The following WDR47 variants were observed in gnomAD, a reference collection of about 807,000 sequenced individuals.
WDR47 encodes WD repeat domain 47.
A neutral mutation model predicts 97.2 loss-of-function variants in WDR47; 32 were observed. The ratio of observed to expected loss-of-function variants is 0.33; its 90% CI spans 0.25 to 0.44. WDR47 has a LOEUF of 0.44. Ranked by LOEUF, WDR47 falls within the 20% of genes least tolerant of loss-of-function variation. The pLI is 1.00. For missense variants in WDR47, 782 were observed against 1,102.3 expected (o/e 0.71, Z 4.11); for synonymous variants, 375 against 373.5 (o/e 1.00, Z -0.05).
intron 7 of WDR47, among the ~76,000 whole-genome samples, chr1:109,000,981 T>A (rs1350394142): frequency 6.6e-6 from 1 of 152,020 alleles, no homozygotes; most frequent in Non-Finnish European, 1.5e-5. Flanking sequence ...AAATATATAT[T>A]ATTTTATTGA....
intron 8 of WDR47, among the ~76,000 whole-genome samples, chr1:108,993,180 T>C (rs1010889458): frequency 2.0e-5 from 3 of 151,962 alleles, no homozygotes; most frequent in African/African-American, 4.8e-5. Flanking sequence ...CAAAAATTAG[T>C]TGGGTGTGGT....
intron 10 of WDR47, among the ~76,000 whole-genome samples, chr1:108,986,059 G>A (rs1006975469): frequency 6.6e-6 from 1 of 151,646 alleles, no homozygotes; most frequent in African/African-American, 2.4e-5. Flanking sequence ...GTCTTAAGAG[G>A]TGTAAAAGAG....
intron 13 of WDR47, among the ~76,000 whole-genome samples, chr1:108,981,342 G>A (rs926519946): frequency 6.6e-6 from 1 of 152,148 alleles, no homozygotes; most frequent in East Asian, 1.9e-4. Context: ...ATTTCTGGAA[G>A]AATAAATAAG....
intron 1 of WDR47, among the ~76,000 whole-genome samples, chr1:109,029,673 AAAT>A (rs1557963140): frequency 1.2e-3 from 90 of 78,248 alleles, no homozygotes; most frequent in African/African-American, 5.4e-3. Flanking sequence ...CTCTGTCTCT[AAAT>A]AAATAAATAA....
At chr1:108,991,825 T>A (rs1056955033) in intron 8 of WDR47, among the ~76,000 whole-genome samples, 1 of 152,116 alleles carries the variant, frequency 6.6e-6, no homozygotes, top group Non-Finnish European at 1.5e-5. Context: ...AAAATTTTTA[T>A]TTAATATTAT....
intron 3 of WDR47, 23 bp from the exon 4 acceptor site, chr1:109,013,948 T>C: frequency 6.4e-7 from 1 of 1,564,152 alleles, no homozygotes; most frequent in African/African-American, 1.4e-5. Flanking sequence ...AATGAAGCAT[T>C]AATTTTTCCA....
Position 108,995,576 on chromosome 1 carries a change from T to A in WDR47, c.1691+4A>T. 9 of 1,613,724 alleles carry A rather than the reference T, an allele frequency of 5.6e-6. No individual in the cohort carries two copies. The highest frequency in any genetic ancestry group is 7.6e-6 in the Non-Finnish European group (9 of 1,179,598). ...TTCCAAGTTTTACAAAGTCAAGCACTTACATTTGGCTTCCACAAGGTGATT... is the reference window on the plus strand; with the variant it reads ...TTCCAAGTTTTACAAAGTCAAGCACATACATTTGGCTTCCACAAGGTGATT... On this transcript the variant is annotated splice_donor_region_variant and intron_variant, in intron 8 of 14. Coordinates refer to ENST00000369962, the MANE Select transcript of WDR47 (RefSeq NM_001142551.2).
intron 13 of WDR47, among the ~76,000 whole-genome samples, chr1:108,979,280 G>GA (rs1349751768): frequency 6.6e-6 from 1 of 151,758 alleles, no homozygotes; most frequent in African/African-American, 2.4e-5. Flanking sequence ...ATATACACAG[G>GA]AAAAAAAATA....
chr1:108,981,601 G>A lies in WDR47; in HGVS notation c.2398+132C>T, dbSNP rs943711004. Reference sequence around the variant, plus strand: ...CAAATGCAAGTATTGTGAAAGAACTGAAAGTAACTAATAAAATATCAAGTA... The same window carrying A: ...CAAATGCAAGTATTGTGAAAGAACTAAAAGTAACTAATAAAATATCAAGTA... On this transcript the variant is annotated intron_variant, in intron 13 of 14. Transcript: ENST00000369962. 3 of 896,280 alleles carry A rather than the reference G, an allele frequency of 3.3e-6. No individual in the cohort carries two copies. In the African/African-American group the frequency reaches 5.2e-5, roughly 15 times the overall value. 55.5% of individuals were successfully genotyped at this position (896,280 alleles called of 1,614,324 possible). A position where few individuals can be genotyped will look rare whatever the true frequency, so the allele number is the denominator to read the frequency against.
intron 8 of WDR47, among the ~76,000 whole-genome samples, chr1:108,991,674 C>T (rs922866495): frequency 1.3e-5 from 2 of 152,174 alleles, no homozygotes; most frequent in Non-Finnish European, 2.9e-5. Flanking sequence ...GGAAAATTAT[C>T]TGGCCCAAGA....
intron 10 of WDR47, 26 bp downstream of exon 10, chr1:108,986,497 T>C (rs369035623): frequency 6.3e-7 from 1 of 1,576,830 alleles, no homozygotes; most frequent in Non-Finnish European, 8.6e-7. Flanking sequence ...AAGGTAAGAA[T>C]GGCAGCACAA....
intron 5 of WDR47, among the ~76,000 whole-genome samples, chr1:109,008,071 T>C (rs951645728): frequency 2.0e-5 from 3 of 150,988 alleles, no homozygotes; most frequent in East Asian, 2.0e-4. Context: ...CACTGCACTC[T>C]AGCCTGCGCA....
At chr1:108,979,694 A>C (rs1236461898) in intron 13 of WDR47, among the ~76,000 whole-genome samples, 1 of 152,182 alleles carries the variant, frequency 6.6e-6, no homozygotes, top group Non-Finnish European at 1.5e-5. Context: ...ATAAATACGA[A>C]TATTTCCCTT....
intron 2 of WDR47, 113 bp from the exon 3 acceptor site, chr1:109,017,714 A>G (rs1661521290): frequency 2.5e-6 from 2 of 814,210 alleles, no homozygotes; most frequent in South Asian, 3.5e-5. Flanking sequence ...CAATGAGATT[A>G]ACATTTTATT....
chr1:109,001,150 G>A (rs2101899331), intron 7 of WDR47, among the ~76,000 whole-genome samples: 1 of 152,146 alleles, frequency 6.6e-6, no homozygotes, highest in Non-Finnish European at 1.5e-5. Flanking sequence ...TCAGCCAGGT[G>A]TGGTGGCACA....
At chr1:109,030,504 C>T (rs1232370501) in intron 1 of WDR47, among the ~76,000 whole-genome samples, 3 of 152,008 alleles carry the variant, frequency 2.0e-5, no homozygotes, top group Non-Finnish European at 2.9e-5. Context: ...GTTAAGAGAA[C>T]TAGGGCACAG....
At chr1:109,004,544 C>T (rs748473160) in intron 6 of WDR47, 48 bp downstream of exon 6, 65 of 1,555,324 alleles carry the variant, frequency 4.2e-5, no homozygotes, top group Admixed American at 2.4e-4. Flanking sequence ...TCTATTACTT[C>T]TTACAAAGAG....
At chr1:109,038,153 A>G (rs1663092186) in intron 1 of WDR47, among the ~76,000 whole-genome samples, 1 of 152,108 alleles carries the variant, frequency 6.6e-6, no homozygotes, top group Non-Finnish European at 1.5e-5. Flanking sequence ...ACTATTTCTC[A>G]GTTAAAACAG....
intron 9 of WDR47, among the ~76,000 whole-genome samples, chr1:108,989,227 G>C (rs1659120116): frequency 6.6e-6 from 1 of 152,138 alleles, no homozygotes; most frequent in South Asian, 2.1e-4. Flanking sequence ...TCTACACTAG[G>C]TATGGTCAGA....
Sources: allele counts gnomAD v4.1 joint callset (sites outside exome capture counted in the v4.1 genomes callset), GRCh38; gene constraint gnomAD v4.1.1; transcripts MANE v1.5; gene names NCBI Gene and HGNC (gene_info 2026-07-23, HGNC 2026-07-21).